Variants in NRG1 observed in about 807,000 individuals in gnomAD.
NRG1 encodes the protein neuregulin 1, also known as pro-neuregulin-1, membrane-bound isoform.
In NRG1, 18 loss-of-function variants were observed where a neutral mutation model predicts 63.8. That is an observed-to-expected ratio of 0.28 (90% CI 0.19 to 0.42). The LOEUF (loss-of-function observed/expected upper bound fraction) is 0.42. Ranked by LOEUF, NRG1 falls within the 10% of genes least tolerant of loss-of-function variation. NRG1 has a pLI of 1.00. For synonymous variants in NRG1, 302 were observed against 301.3 expected (o/e 1.00, Z -0.02); for missense variants, 762 against 814.7 (o/e 0.94, Z 0.79).
At chr8:32,398,410 A>ATTT (rs59321367) in intron 1 of NRG1, among the ~76,000 whole-genome samples, 1 of 142,264 alleles carries the variant, frequency 7.0e-6, no homozygotes. Context: ...TTCCACCCAA[A>ATTT]TTTTTTTTTT....
chr8:31,642,523 A>G (rs1803895387), intron 1 of NRG1, among the ~76,000 whole-genome samples: 1 of 152,130 alleles, frequency 6.6e-6, no homozygotes, highest in East Asian at 1.9e-4. Flanking sequence ...GAAATGGAAA[A>G]CTCATGTTGT....
chr8:32,267,055 A>G (rs1851030291), intron 1 of NRG1, among the ~76,000 whole-genome samples: 1 of 151,262 alleles, frequency 6.6e-6, no homozygotes, highest in East Asian at 2.0e-4. Context: ...TCTCAAAAAA[A>G]GAAAGAAAGA....
At chr8:31,999,236 C>T (rs747282767) in intron 1 of NRG1, among the ~76,000 whole-genome samples, 6 of 151,878 alleles carry the variant, frequency 4.0e-5, no homozygotes, top group Non-Finnish European at 7.4e-5. Flanking sequence ...AAACATTGTA[C>T]ATATTTAATA....
chr8:32,356,483 C>CCG lies in NRG1; in HGVS notation c.38-239344_38-239343insGC, dbSNP rs1554517235. Among the ~76,000 whole-genome samples, 510 of 121,074 alleles carry CCG rather than the reference C, an allele frequency of 4.2e-3. 10 individuals are homozygous for CCG. Among genetic ancestry groups the CCG allele is most frequent in the African/African-American group, 0.015 (475 of 32,584 alleles). 79.4% of individuals were successfully genotyped at this position (121,074 alleles called of 152,430 possible). On this transcript the variant is annotated intron_variant, in intron 1 of 10. Coordinates refer to the NRG1 transcript ENST00000519301. The stretch of plus-strand genomic sequence containing the variant: ...GAGTTTCCTTGTTGGGACCCCCCCC[C>CCG]CACCCGCCGGGCCCCACCCCGTTGA...
intron 1 of NRG1, among the ~76,000 whole-genome samples, chr8:32,178,261 A>T (rs1841021542): frequency 6.6e-6 from 1 of 152,112 alleles, no homozygotes; most frequent in African/African-American, 2.4e-5. Flanking sequence ...AGGTTAAGGA[A>T]TTCCCATTTC....
In NRG1 at chr8:32,717,294, G is replaced by GT. The variant is rs556292948; in HGVS notation, c.503-10648dup. On this transcript the variant is annotated intron_variant, in intron 5 of 11. Coordinates refer to ENST00000356819, the Ensembl canonical transcript of NRG1. ...TTAAGTAAAGCACTTAAAATTATAT[G>GT]TTTTTTTGAAACTGGTTTTATTCCT... is the stretch of plus-strand genomic sequence containing the variant. Among the ~76,000 whole-genome samples, 193 of 152,202 alleles carry GT rather than the reference G, an allele frequency of 1.3e-3. 4 individuals carry two copies. The South Asian group carries it at 0.037, about 29-fold the overall frequency.
chr8:32,500,194 G>A (rs1827695836), intron 1 of NRG1, among the ~76,000 whole-genome samples: 1 of 152,068 alleles, frequency 6.6e-6, no homozygotes, highest in African/African-American at 2.4e-5. Flanking sequence ...GCTTTTTTGT[G>A]TTTGCTCTTC....
intron 1 of NRG1, among the ~76,000 whole-genome samples, chr8:32,019,040 T>G (rs1037958401): frequency 2.0e-5 from 3 of 152,262 alleles, no homozygotes; most frequent in African/African-American, 7.2e-5. Context: ...AGTGAAGATG[T>G]TCTTTCGATT....
intron 1 of NRG1, among the ~76,000 whole-genome samples, chr8:32,523,452 TAA>T (rs1245381539): frequency 6.6e-6 from 1 of 152,236 alleles, no homozygotes; most frequent in Non-Finnish European, 1.5e-5. Flanking sequence ...TTGCTATTTT[TAA>T]AAGAGTTTAT....
At chr8:32,016,737 C>T (rs1448788687) in intron 1 of NRG1, among the ~76,000 whole-genome samples, 1 of 152,066 alleles carries the variant, frequency 6.6e-6, no homozygotes, top group African/African-American at 2.4e-5. Context: ...GATATAATAA[C>T]CAGCCATATT....
chr8:32,632,453 G>A (rs562187149), intron 5 of NRG1, among the ~76,000 whole-genome samples: 35 of 151,326 alleles, frequency 2.3e-4, no homozygotes, highest in African/African-American at 8.3e-4. Flanking sequence ...GGAGGCTGAG[G>A]CAGGAGAATT....
intron 1 of NRG1, among the ~76,000 whole-genome samples, chr8:32,403,678 C>T (rs921764236): frequency 6.6e-6 from 1 of 152,102 alleles, no homozygotes; most frequent in Non-Finnish European, 1.5e-5. Context: ...CCCACATCAC[C>T]TCTGTTTTTA....
At chr8:31,797,944 A>G (rs1263982513) in intron 1 of NRG1, among the ~76,000 whole-genome samples, 1 of 152,222 alleles carries the variant, frequency 6.6e-6, no homozygotes, top group Non-Finnish European at 1.5e-5. Flanking sequence ...AAGGATAAAT[A>G]CTGCATGTCC....
intron 7 of NRG1, among the ~76,000 whole-genome samples, chr8:32,748,327 A>ATG (rs1827886263): frequency 8.4e-6 from 1 of 118,782 alleles, no homozygotes; most frequent in Admixed American, 9.6e-5. Context: ...GCGCATGTAC[A>ATG]CGCGCGCGCG....
At chr8:31,769,424 G>C (rs572290037) in intron 1 of NRG1, among the ~76,000 whole-genome samples, 13 of 152,170 alleles carry the variant, frequency 8.5e-5, no homozygotes, top group African/African-American at 3.1e-4. Flanking sequence ...GGTCTCTGCC[G>C]CAGCTTGTCC....
At chr8:32,440,722 C>T (rs1819429432) in intron 1 of NRG1, 1 of 152,084 alleles carries the variant, frequency 6.6e-6, no homozygotes, top group African/African-American at 2.4e-5. Context: ...ACAAACTCAT[C>T]AAGACTGTGA....
intron 5 of NRG1, among the ~76,000 whole-genome samples, chr8:32,650,003 A>G (rs919701154): frequency 6.6e-6 from 1 of 152,230 alleles, no homozygotes; most frequent in Non-Finnish European, 1.5e-5. Flanking sequence ...AACAGGTTTC[A>G]TTGTCCAGAG....
intron 1 of NRG1, among the ~76,000 whole-genome samples, chr8:31,899,768 A>G (rs1231643331): frequency 2.6e-5 from 4 of 152,232 alleles, no homozygotes; most frequent in Non-Finnish European, 5.9e-5. Flanking sequence ...AAAAACACAT[A>G]CACACACTCA....
At chr8:32,306,443 T>A (rs1398565012) in intron 1 of NRG1, among the ~76,000 whole-genome samples, 2 of 152,224 alleles carry the variant, frequency 1.3e-5, no homozygotes, top group Admixed American at 6.5e-5. Context: ...CTTCTTGAGT[T>A]TGATCCATTA....
Sources: gnomAD v4.1 joint callset for allele counts (sites outside exome capture counted in the v4.1 genomes callset) on GRCh38, gnomAD v4.1.1 for gene constraint, MANE v1.5 for transcripts, NCBI Gene and HGNC (gene_info 2026-07-23, HGNC 2026-07-21) for gene names.